The following PYHIN1 variants were observed in gnomAD, a reference collection of about 807,000 sequenced individuals.
PYHIN1 encodes the protein pyrin and HIN domain family member 1.
Under a neutral mutation model 43.7 loss-of-function variants are expected in PYHIN1, and 32 were observed. The observed-to-expected ratio is 0.73, with a 90% CI of 0.55 to 0.98. PYHIN1 has a LOEUF of 0.98. Among genes scored for constraint, PYHIN1 ranks in the 50% least tolerant of loss-of-function variants. The pLI is 0.00. For missense variants in PYHIN1, 588 were observed against 589.5 expected (o/e 1.00, Z 0.03); for synonymous variants, 205 against 203.1 (o/e 1.01, Z -0.08).
chr1:158,964,126 A>C (rs1469999967), intron 7 of PYHIN1, among the ~76,000 whole-genome samples: 1 of 152,204 alleles, frequency 6.6e-6, no homozygotes, highest in Non-Finnish European at 1.5e-5. Context: ...AAATAACCTG[A>C]GGAAAAAACC....
chr1:158,982,253 G>A, the PYHIN1 span, among the ~76,000 whole-genome samples: 1 of 152,030 alleles, frequency 6.6e-6, no homozygotes, highest in Non-Finnish European at 1.5e-5. Context: ...TTCTTCTAGG[G>A]CATTTACAGT....
intron 7 of PYHIN1, among the ~76,000 whole-genome samples, chr1:158,970,904 A>G (rs1484799943): frequency 6.6e-6 from 1 of 152,052 alleles, no homozygotes; most frequent in African/African-American, 2.4e-5. Context: ...CATGAGGTTC[A>G]GAGAAGTTAG....
chr1:158,943,341 GAAAGTCAAA>G (rs1287051164), intron 5 of PYHIN1, among the ~76,000 whole-genome samples: 2 of 152,166 alleles, frequency 1.3e-5, no homozygotes, highest in Non-Finnish European at 2.9e-5. Context: ...AGTAAATGGA[GAAAGTCAAA>G]AAAGTAATTA....
intron 7 of PYHIN1, among the ~76,000 whole-genome samples, chr1:158,949,828 A>G (rs1571743506): frequency 6.6e-6 from 1 of 152,218 alleles, no homozygotes; most frequent in African/African-American, 2.4e-5. Context: ...TTGTGAGCAC[A>G]GGAAGGAATG....
intron 7 of PYHIN1, among the ~76,000 whole-genome samples, chr1:158,960,531 G>T (rs115857540): frequency 0.01 from 1,589 of 152,272 alleles, 35 homozygotes; most frequent in African/African-American, 0.037. Context: ...ATTCTTGGGT[G>T]TCCAACTACC....
At chr1:158,960,198 C>G (rs1033681128) in intron 7 of PYHIN1, among the ~76,000 whole-genome samples, 6 of 152,190 alleles carry the variant, frequency 3.9e-5, no homozygotes, top group African/African-American at 1.4e-4. Flanking sequence ...GAGCTAGCAG[C>G]CTGTGTCTTT....
At chr1:158,959,382 G>GCCGA (rs1381303310) in intron 7 of PYHIN1, among the ~76,000 whole-genome samples, 2 of 150,900 alleles carry the variant, frequency 1.3e-5, no homozygotes, top group Non-Finnish European at 2.9e-5. Flanking sequence ...TAATTTGGTT[G>GCCGA]CCGACCGGAC....
At chr1:158,942,881 C>G (rs1458086341) in intron 5 of PYHIN1, among the ~76,000 whole-genome samples, 1 of 152,046 alleles carries the variant, frequency 6.6e-6, no homozygotes, top group African/African-American at 2.4e-5. Context: ...TTGCAGTAAA[C>G]AGGTAGGACA....
rs1164644022 is a variant in PYHIN1, at chr1:158,933,366, A to G, written c.-21+1590A>G. ...ACATTTATTATTATTAGATAAATCT[A>G]TAATTTAAATTATTGTATCTTCCCA... On this transcript the variant is annotated intron_variant, in intron 1 of 8. Transcript: ENST00000368140. The surrounding 1 kb of genome is among the most constrained non-coding windows in gnomAD (Gnocchi z 6.3). Among the ~76,000 whole-genome samples the G allele has an allele frequency of 2.0e-5, 3 of 151,698 alleles. No homozygotes were observed. In the East Asian group the frequency reaches 5.8e-4, roughly 29 times the overall value.
At chr1:158,935,819 G>A (rs1245859308) in intron 1 of PYHIN1, among the ~76,000 whole-genome samples, 1 of 152,142 alleles carries the variant, frequency 6.6e-6, no homozygotes, top group Non-Finnish European at 1.5e-5. Flanking sequence ...TCCAGCCCCA[G>A]TAAAGGATGG....
chr1:158,971,600 G>A (rs1162563760), intron 7 of PYHIN1, among the ~76,000 whole-genome samples: 2 of 151,962 alleles, frequency 1.3e-5, no homozygotes, highest in African/African-American at 4.8e-5. Context: ...ATGAAGATCA[G>A]TATCCCCAAA....
chr1:158,944,841 A>G, intron 6 of PYHIN1, 34 bp from the exon 7 acceptor site: 3 of 1,469,148 alleles, frequency 2.0e-6, no homozygotes, highest in Non-Finnish European at 2.7e-6. Flanking sequence ...CCCTAATATT[A>G]AAAAACATTA....
chr1:158,933,896 A>C lies in PYHIN1; in HGVS notation c.-21+2120A>C, dbSNP rs1323954053. On this transcript the variant is annotated intron_variant, in intron 1 of 8. Transcript: ENST00000368140. The surrounding 1 kb of genome is among the most constrained non-coding windows in gnomAD (Gnocchi z 6.3). ...CTTGTCTTTTGGCCTGCAGCTTTTT[A>C]AAATTTTTTTTTAATTTTCTATTGA... Among the ~76,000 whole-genome samples the C allele has an allele frequency of 1.3e-5, 2 of 151,948 alleles. No homozygotes were observed. The highest frequency in any genetic ancestry group is 2.9e-5 in the Non-Finnish European group (2 of 67,962).
intron 2 of PYHIN1, among the ~76,000 whole-genome samples, chr1:158,938,157 G>A (rs1474142808): frequency 6.6e-6 from 1 of 152,182 alleles, no homozygotes; most frequent in Non-Finnish European, 1.5e-5. Context: ...CAGAGGACAG[G>A]AAGGATGTTC....
chr1:158,971,614 C>G (rs957537176), intron 7 of PYHIN1, among the ~76,000 whole-genome samples: 3 of 152,008 alleles, frequency 2.0e-5, no homozygotes, highest in African/African-American at 7.2e-5. Context: ...CCCCAAACAA[C>G]TGACAACTGA....
chr1:158,978,687 T>A (rs981036586), downstream of PYHIN1, among the ~76,000 whole-genome samples: 2 of 152,170 alleles, frequency 1.3e-5, no homozygotes, highest in Admixed American at 1.3e-4. Flanking sequence ...ATGTGTTTGC[T>A]GATTTCTCCC....
chr1:158,957,586 C>T (rs944251145), intron 7 of PYHIN1, among the ~76,000 whole-genome samples: 7 of 149,130 alleles, frequency 4.7e-5, no homozygotes, highest in Non-Finnish European at 1.0e-4. Context: ...CTTCCTTACA[C>T]CTTCTACAAA....
Position 158,931,776 on chromosome 1 carries a change from G to T in PYHIN1, c.-21G>T, listed in dbSNP as rs73019873. Reference sequence around the variant, plus strand: ...CTACTGTTGAAGAAATTCCCAGTAAGGTGAGTACTGTGGGTATTTTTTATA... The same window carrying T: ...CTACTGTTGAAGAAATTCCCAGTAATGTGAGTACTGTGGGTATTTTTTATA... On this transcript the variant is annotated splice_region_variant and 5_prime_UTR_variant, in exon 1 of 9. The change creates a new upstream start codon in the 5' untranslated region. Coordinates refer to ENST00000368140, the MANE Select transcript of PYHIN1 (RefSeq NM_152501.5). 5 of 152,114 alleles carry T rather than the reference G, an allele frequency of 3.3e-5. No individual in the cohort carries two copies. Among genetic ancestry groups the T allele is most frequent in the African/African-American group, 1.2e-4 (5 of 41,402 alleles). The allele number at this position is 152,114 out of a possible 1,614,324, so 9.4% of individuals were successfully genotyped here.
rs959393306 is a variant in PYHIN1, at chr1:158,951,742, C to T, written c.1359+6700C>T. Among the ~76,000 whole-genome samples, 3 of 150,668 alleles carry T rather than the reference C, an allele frequency of 2.0e-5. No homozygotes were observed. In the East Asian group the frequency reaches 5.8e-4, roughly 29 times the overall value. On this transcript the variant is annotated intron_variant, in intron 7 of 8. Transcript: ENST00000368140. ...AGAGTATCATCCATAAAATGAATAA[C>T]CTTGCAATCAGGAATTTTTTTTTCT...
Sources: gnomAD v4.1 joint callset for allele counts (sites outside exome capture counted in the v4.1 genomes callset) on GRCh38, gnomAD v4.1.1 for gene constraint, Gnocchi (gnomAD v3.1) non-coding constraint, MANE v1.5 for transcripts, NCBI Gene and HGNC (gene_info 2026-07-23, HGNC 2026-07-21) for gene names.